PARD3B: variants seen among roughly 807,000 people sequenced by gnomAD.
The protein encoded by PARD3B is partitioning defective 3 homolog B.
Under a neutral mutation model 130.2 loss-of-function variants are expected in PARD3B, and 103 were observed. That is an observed-to-expected ratio of 0.79 (90% CI 0.67 to 0.93). The LOEUF (loss-of-function observed/expected upper bound fraction) is 0.93. Among genes scored for constraint, PARD3B ranks in the 40% least tolerant of loss-of-function variants. The pLI is 0.00. For missense variants in PARD3B, 1,609 were observed against 1,499.2 expected (o/e 1.07, Z -1.21); for synonymous variants, 583 against 553.2 (o/e 1.05, Z -0.76).
intron 2 of PARD3B, among the ~76,000 whole-genome samples, chr2:204,737,923 C>T (rs184347515): frequency 2.0e-5 from 3 of 152,226 alleles, no homozygotes; most frequent in East Asian, 1.9e-4. Flanking sequence ...TTCCATAGAT[C>T]TATGTGCCTA....
At position 205,125,008 on chromosome 2, in the gene PARD3B, A is replaced by T. The variant is rs564826420; in HGVS notation, c.1305+542A>T. Among the ~76,000 whole-genome samples, 4 of 152,330 alleles carry T rather than the reference A, an allele frequency of 2.6e-5. No homozygotes were observed. The East Asian group carries it at 7.7e-4, about 29-fold the overall frequency. The stretch of plus-strand genomic sequence containing the variant: ...TCATTTATTTTTGTCTGAGGACATT[A>T]TCGTCTTGATAATTATATATTGTCC... On this transcript the variant is annotated intron_variant, in intron 9 of 22. Coordinates refer to ENST00000406610, the MANE Select transcript of PARD3B (RefSeq NM_001302769.2). The surrounding 1 kb of genome is among the most constrained non-coding windows in gnomAD (Gnocchi z 4.0).
At chr2:205,002,261 A>G (rs1255645958) in intron 3 of PARD3B, among the ~76,000 whole-genome samples, 1 of 152,182 alleles carries the variant, frequency 6.6e-6, no homozygotes, top group Non-Finnish European at 1.5e-5. Flanking sequence ...ACTGTTAACT[A>G]CATTTAAAAA....
intron 20 of PARD3B, among the ~76,000 whole-genome samples, chr2:205,447,001 A>G (rs1209608183): frequency 1.5e-4 from 23 of 152,218 alleles, no homozygotes; most frequent in Admixed American, 7.9e-4. Flanking sequence ...GAGGTTGCCA[A>G]ATGGGTTTGA....
chr2:204,558,486 G>A lies in PARD3B; in HGVS notation c.120+12367G>A, dbSNP rs540242817. 2.0e-5 allele frequency among the ~76,000 whole-genome samples: 3 copies of A among 152,224 alleles called. No individual in the cohort carries two copies. The South Asian group carries it at 6.2e-4, about 32-fold the overall frequency. ...AATACCTAGGAATCCCACTTACAAG[G>A]GATGTGAAGGACCTCTTCAAGGAGA... is the stretch of plus-strand genomic sequence containing the variant. On this transcript the variant is annotated intron_variant, in intron 1 of 22. Transcript: ENST00000406610.
At position 205,292,485 on chromosome 2, in the gene PARD3B, A is replaced by G. The variant is rs923657022; in HGVS notation, c.2186-8045A>G. On this transcript the variant is annotated intron_variant, in intron 16 of 22. Transcript: ENST00000406610. This position sits in a 1 kb window ranked among gnomAD's most constrained non-coding sequence, Gnocchi z 5.3. ...GCAGACCACATTAACTCAGGCACAC[A>G]TGAAAGCTATAAATCTTGAAACACA... Among the ~76,000 whole-genome samples the G allele has an allele frequency of 6.6e-6, 1 of 152,126 alleles. No individual in the cohort carries two copies. The highest frequency in any genetic ancestry group is 2.4e-5 in the African/African-American group (1 of 41,418).
At chr2:205,583,281 A>G (rs1261030983) in intron 22 of PARD3B, among the ~76,000 whole-genome samples, 1 of 152,228 alleles carries the variant, frequency 6.6e-6, no homozygotes, top group Non-Finnish European at 1.5e-5. Flanking sequence ...TTGAACTCAG[A>G]GAACTGATCT....
intron 1 of PARD3B, among the ~76,000 whole-genome samples, chr2:204,654,619 A>G (rs2035585773): frequency 6.6e-6 from 1 of 152,204 alleles, no homozygotes; most frequent in Non-Finnish European, 1.5e-5. Flanking sequence ...TTTCACTGGA[A>G]CATGGATAAT....
At chr2:204,671,883 A>T (rs2036319275) in intron 1 of PARD3B, among the ~76,000 whole-genome samples, 1 of 152,210 alleles carries the variant, frequency 6.6e-6, no homozygotes, top group Non-Finnish European at 1.5e-5. Flanking sequence ...AATATATTCA[A>T]ATATATATGT....
chr2:204,695,927 G>T (rs1387156769), intron 2 of PARD3B, among the ~76,000 whole-genome samples: 2 of 152,018 alleles, frequency 1.3e-5, no homozygotes, highest in Non-Finnish European at 2.9e-5. Flanking sequence ...TCTTTAATAA[G>T]TGAATGTGGG....
intron 2 of PARD3B, among the ~76,000 whole-genome samples, chr2:204,834,901 T>C (rs1467468407): frequency 6.6e-6 from 1 of 152,196 alleles, no homozygotes; most frequent in Non-Finnish European, 1.5e-5. Flanking sequence ...CCCTGTTGAT[T>C]GCAATAGTGT....
chr2:204,706,366 CAA>C (rs796492468), intron 2 of PARD3B, among the ~76,000 whole-genome samples: 11 of 87,190 alleles, frequency 1.3e-4, no homozygotes, highest in Admixed American at 2.7e-4. Flanking sequence ...GACTCTGTCT[CAA>C]AAAAAAAAAA....
intron 18 of PARD3B, among the ~76,000 whole-genome samples, chr2:205,358,114 C>CTCCTGAGTT (rs1246509405): frequency 6.6e-6 from 1 of 152,164 alleles, no homozygotes; most frequent in Non-Finnish European, 1.5e-5. Context: ...TAATTTTTGT[C>CTCCTGAGTT]TCCTGAGTTT....
At chr2:205,189,088 C>T (rs1009136140) in intron 14 of PARD3B, among the ~76,000 whole-genome samples, 4 of 152,084 alleles carry the variant, frequency 2.6e-5, no homozygotes, top group African/African-American at 7.2e-5. Context: ...CAGAATATAT[C>T]GAATATTATT....
intron 16 of PARD3B, among the ~76,000 whole-genome samples, chr2:205,285,586 C>T (rs946744667): frequency 3.3e-5 from 5 of 152,150 alleles, no homozygotes; most frequent in African/African-American, 9.7e-5. Flanking sequence ...CTCCCAGGCC[C>T]CATGAGCACT....
chr2:205,248,719 T>C (rs1190287951), intron 16 of PARD3B, among the ~76,000 whole-genome samples: 1 of 147,972 alleles, frequency 6.8e-6, no homozygotes, highest in Non-Finnish European at 1.5e-5. Flanking sequence ...CCATTTCTCC[T>C]GCCTCAGCCT....
intron 10 of PARD3B, among the ~76,000 whole-genome samples, chr2:205,148,764 TG>T (rs1197113404): frequency 6.6e-6 from 1 of 152,178 alleles, no homozygotes; most frequent in Non-Finnish European, 1.5e-5. Flanking sequence ...GTTTGAGTTT[TG>T]GTAATTGACA....
Position 205,617,241 on chromosome 2 carries a change from A to G in PARD3B, c.*1428A>G, listed in dbSNP as rs2055465726. The stretch of plus-strand genomic sequence containing the variant: ...CATACAAGCTGGCCCAAATGAGAAC[A>G]CAAGCAAAAGATGTGGAAGACAGCA... On this transcript the variant is annotated 3_prime_UTR_variant, in exon 23 of 23. Coordinates refer to ENST00000406610, the MANE Select transcript of PARD3B (RefSeq NM_001302769.2). 1 of 152,722 alleles carries G rather than the reference A, an allele frequency of 6.5e-6. No homozygotes were observed. 9.5% of individuals were successfully genotyped at this position (152,722 alleles called of 1,614,324 possible). A position where few individuals can be genotyped will look rare whatever the true frequency, so the allele number is the denominator to read the frequency against.
rs924708046 is a variant in PARD3B at position 205,146,576 on chromosome 2, G to A, written c.1435-12146G>A. Among the ~76,000 whole-genome samples, 6 of 151,646 alleles carry A rather than the reference G, an allele frequency of 4.0e-5. No individual in the cohort carries two copies. Among genetic ancestry groups the A allele is most frequent in the Non-Finnish European group, 8.8e-5 (6 of 67,872 alleles). On this transcript the variant is annotated intron_variant, in intron 10 of 22. Transcript: ENST00000406610. This position sits in a 1 kb window ranked among gnomAD's most constrained non-coding sequence, Gnocchi z 4.3. ...TGAGGCAGGAGAATGGCGTGAACCC[G>A]GGAGGCGGAGCTTGCAGTGAGCCGA... is the stretch of plus-strand genomic sequence containing the variant.
chr2:204,728,624 T>G (rs2125333711), intron 2 of PARD3B, among the ~76,000 whole-genome samples: 1 of 152,338 alleles, frequency 6.6e-6, no homozygotes, highest in Admixed American at 6.5e-5. Context: ...TTTTTTCCTT[T>G]TAACCTCCTG....
Sources: gnomAD v4.1 joint callset for allele counts (sites outside exome capture counted in the v4.1 genomes callset) on GRCh38, gnomAD v4.1.1 for gene constraint, Gnocchi (gnomAD v3.1) non-coding constraint, MANE v1.5 for transcripts, NCBI Gene and HGNC (gene_info 2026-07-23, HGNC 2026-07-21) for gene names.